EFNA5: variants seen among roughly 807,000 people sequenced by gnomAD.
EFNA5 encodes the protein ephrin-A5.
Under a neutral mutation model 22.9 loss-of-function variants are expected in EFNA5, and 5 were observed. The ratio of observed to expected loss-of-function variants is 0.22; its 90% CI spans 0.11 to 0.46. EFNA5 has a LOEUF of 0.46. Ranked by LOEUF, EFNA5 falls within the 20% of genes least tolerant of loss-of-function variation. The pLI is 0.99. For missense variants in EFNA5, 237 were observed against 293.3 expected (o/e 0.81, Z 1.40); for synonymous variants, 113 against 112.2 (o/e 1.01, Z -0.04).
chr5:107,523,952 A>G (rs1280319700), intron 1 of EFNA5, among the ~76,000 whole-genome samples: 1 of 152,242 alleles, frequency 6.6e-6, no homozygotes, highest in Admixed American at 6.5e-5. Flanking sequence ...CTGCACAGCA[A>G]TTTAAAGTAT....
At chr5:107,499,629 A>T (rs572388282) in intron 1 of EFNA5, among the ~76,000 whole-genome samples, 10 of 152,342 alleles carry the variant, frequency 6.6e-5, no homozygotes, top group Admixed American at 1.3e-4. Context: ...ATTGGCCTAT[A>T]TGTGCACAGA....
At chr5:107,665,741 G>T (rs1751052682) in intron 1 of EFNA5, among the ~76,000 whole-genome samples, 1 of 152,090 alleles carries the variant, frequency 6.6e-6, no homozygotes, top group Non-Finnish European at 1.5e-5. Context: ...ACATATCTTA[G>T]TAGCTAACTC....
chr5:107,432,887 C>T (rs941633782), intron 1 of EFNA5, among the ~76,000 whole-genome samples: 19 of 152,200 alleles, frequency 1.2e-4, no homozygotes, highest in Non-Finnish European at 4.4e-5. Context: ...TCCTCATCCT[C>T]AGTCTACTCA....
At chr5:107,615,582 G>A (rs2112524128) in intron 1 of EFNA5, among the ~76,000 whole-genome samples, 1 of 152,296 alleles carries the variant, frequency 6.6e-6, no homozygotes, top group South Asian at 2.1e-4. Context: ...AATTCAAAAA[G>A]ATTAGATCTT....
chr5:107,631,467 A>T (rs1750249906), intron 1 of EFNA5, among the ~76,000 whole-genome samples: 2 of 152,106 alleles, frequency 1.3e-5, no homozygotes, highest in African/African-American at 4.8e-5. Flanking sequence ...AAACTAAAAG[A>T]GTATCCTTGT....
At chr5:107,448,107 A>G (rs1749444304) in intron 1 of EFNA5, among the ~76,000 whole-genome samples, 1 of 152,184 alleles carries the variant, frequency 6.6e-6, no homozygotes, top group African/African-American at 2.4e-5. Flanking sequence ...AGAACAAGGG[A>G]AAATTTTTAA....
intron 1 of EFNA5, among the ~76,000 whole-genome samples, chr5:107,606,013 A>G (rs910093884): frequency 8.5e-5 from 13 of 152,214 alleles, no homozygotes; most frequent in African/African-American, 3.1e-4. Context: ...TCAAAAACAG[A>G]GACGAGCAGT....
chr5:107,670,599 C>T lies in EFNA5; in HGVS notation c.15G>A (p.Glu5=). Residue 5 remains glutamate (E), a synonymous_variant, in exon 1 of 5, where the codon GAG becomes GAA. Coordinates refer to ENST00000333274, the MANE Select transcript of EFNA5 (RefSeq NM_001962.3). MLHV[E]MLTLVFLVLW... Reference sequence around the variant, plus strand: ...GCACCAGAAACACCAGCGTCAACATCTCCACGTGCAACATCACGCCTGGCC... The same window carrying T: ...GCACCAGAAACACCAGCGTCAACATTTCCACGTGCAACATCACGCCTGGCC... The T allele has an allele frequency of 1.2e-6, 2 of 1,603,906 alleles. No homozygotes were observed. Among genetic ancestry groups the T allele is most frequent in the African/African-American group, 1.3e-5 (1 of 74,526 alleles).
intron 1 of EFNA5, among the ~76,000 whole-genome samples, chr5:107,432,619 A>G (rs1748992143): frequency 6.6e-6 from 1 of 152,238 alleles, no homozygotes; most frequent in Non-Finnish European, 1.5e-5. Context: ...TACCATACTT[A>G]GAAAAGCAAT....
chr5:107,398,768 T>A (rs1015219377), intron 2 of EFNA5, among the ~76,000 whole-genome samples: 1 of 146,498 alleles, frequency 6.8e-6, no homozygotes, highest in Non-Finnish European at 1.5e-5. Context: ...GGCAGGAGAA[T>A]GGCTTGAGCC....
chr5:107,523,791 T>C (rs1747643016), intron 1 of EFNA5, among the ~76,000 whole-genome samples: 1 of 152,238 alleles, frequency 6.6e-6, no homozygotes, highest in Non-Finnish European at 1.5e-5. Context: ...AGGTGAGCAA[T>C]GCATGGGTGC....
chr5:107,426,038 C>A (rs1202379416), intron 2 of EFNA5, among the ~76,000 whole-genome samples: 1 of 152,206 alleles, frequency 6.6e-6, no homozygotes, highest in Non-Finnish European at 1.5e-5. Flanking sequence ...GTTCTCACTA[C>A]TCCCTGAATT....
intron 1 of EFNA5, among the ~76,000 whole-genome samples, chr5:107,660,276 ATATATATATATATATATATAT>A (rs1750920278): frequency 1.9e-4 from 11 of 56,486 alleles, no homozygotes; most frequent in Non-Finnish European, 3.9e-4. Context: ...ATATATATAT[ATATATATATATATATATATAT>A]ATATATATAT....
At chr5:107,523,784 T>C (rs547760617) in intron 1 of EFNA5, among the ~76,000 whole-genome samples, 1 of 152,364 alleles carries the variant, frequency 6.6e-6, no homozygotes, top group South Asian at 2.1e-4. Flanking sequence ...TTTATGCAGG[T>C]GAGCAATGCA....
chr5:107,400,942 T>A (rs1261765175), intron 2 of EFNA5, among the ~76,000 whole-genome samples: 2 of 152,224 alleles, frequency 1.3e-5, no homozygotes, highest in Non-Finnish European at 2.9e-5. Context: ...CCCAGAAACC[T>A]TAGTTTAGCA....
chr5:107,430,902 A>G (rs1748936636), intron 1 of EFNA5, among the ~76,000 whole-genome samples: 1 of 149,014 alleles, frequency 6.7e-6, no homozygotes, highest in Non-Finnish European at 1.5e-5. Flanking sequence ...TCAGCCTCCC[A>G]AGTAGCAGGG....
intron 1 of EFNA5, among the ~76,000 whole-genome samples, chr5:107,567,037 T>C (rs1429752659): frequency 1.3e-5 from 2 of 152,246 alleles, no homozygotes; most frequent in African/African-American, 2.4e-5. Context: ...ACATCATTTC[T>C]ATTCAATGGC....
In EFNA5 at chr5:107,380,909, G is replaced by A; in HGVS notation, c.*346C>T. On this transcript the variant is annotated 3_prime_UTR_variant, in exon 5 of 5. Coordinates refer to ENST00000333274, the MANE Select transcript of EFNA5 (RefSeq NM_001962.3). ...TGTCCATAGCCCGCTGACACAGTGC[G>A]CTAACGGAGGTGAGTTCTTAGAGGA... is the stretch of plus-strand genomic sequence containing the variant. The A allele has an allele frequency of 2.3e-6, 1 of 436,698 alleles. No individual in the cohort carries two copies. Among genetic ancestry groups the A allele is most frequent in the Non-Finnish European group, 4.1e-6 (1 of 246,630 alleles). The allele number at this position is 436,698 out of a possible 1,614,324, so 27.1% of individuals were successfully genotyped here.
rs373534428 is a variant in EFNA5 at position 107,670,896 on chromosome 5, G to A, written c.-283C>T. ...AAGGAATCACAAGATGGAGAGAAGC[G>A]TGCGTGTGTGTGGTGGCGGCGGCGA... is the stretch of plus-strand genomic sequence containing the variant. On this transcript the variant is annotated 5_prime_UTR_variant, in exon 1 of 5. The change creates a new upstream start codon in the 5' untranslated region. Transcript: ENST00000333274. 8.0e-6 allele frequency: 3 copies of A among 375,046 alleles called. No homozygotes were observed. The highest frequency in any genetic ancestry group is 1.4e-5 in the Non-Finnish European group (3 of 209,096). The allele number at this position is 375,046 out of a possible 1,614,324, so 23.2% of individuals were successfully genotyped here.
Sources: gnomAD v4.1 joint callset for allele counts (sites outside exome capture counted in the v4.1 genomes callset) on GRCh38, gnomAD v4.1.1 for gene constraint, MANE v1.5 for transcripts, NCBI Gene and HGNC (gene_info 2026-07-23, HGNC 2026-07-21) for gene names.